Variants in TRPM3 observed in about 807,000 individuals in gnomAD.
TRPM3 encodes transient receptor potential cation channel subfamily M member 3.
TRPM3 carries 77 observed loss-of-function variants against 181.2 expected under a neutral mutation model. The observed-to-expected ratio is 0.42, with a 90% CI of 0.35 to 0.51. The LOEUF is 0.51. Among genes scored for constraint, TRPM3 ranks in the 20% least tolerant of loss-of-function variants. The pLI is 0.01. For missense variants in TRPM3, 1,759 were observed against 2,196.7 expected (o/e 0.80, Z 3.98); for synonymous variants, 745 against 796.4 (o/e 0.94, Z 1.09).
At chr9:71,275,779 AATG>A (rs772859843) in intron 1 of TRPM3, among the ~76,000 whole-genome samples, 20 of 152,198 alleles carry the variant, frequency 1.3e-4, no homozygotes, top group Non-Finnish European at 2.4e-4. Flanking sequence ...CCCAAAATAG[AATG>A]ATGAGTGCAT....
At chr9:71,182,021 AC>A (rs1157670474) in intron 1 of TRPM3, among the ~76,000 whole-genome samples, 1 of 151,744 alleles carries the variant, frequency 6.6e-6, no homozygotes, top group Non-Finnish European at 1.5e-5. Context: ...AATAATGGAA[AC>A]CCCGGCCTCT....
At chr9:71,418,826 T>TATATAG (rs138198194) in intron 1 of TRPM3, among the ~76,000 whole-genome samples, 1 of 143,078 alleles carries the variant, frequency 7.0e-6, no homozygotes, top group South Asian at 2.2e-4. Context: ...TATATATATA[T>TATATAG]ATCCTTTGAG....
At chr9:71,439,436 T>C (rs958139303) in intron 1 of TRPM3, among the ~76,000 whole-genome samples, 1 of 152,206 alleles carries the variant, frequency 6.6e-6, no homozygotes, top group African/African-American at 2.4e-5. Flanking sequence ...TAAGTCATCC[T>C]GGGGGGCAGG....
At chr9:71,149,751 A>G (rs2075626814) in intron 1 of TRPM3, among the ~76,000 whole-genome samples, 1 of 152,116 alleles carries the variant, frequency 6.6e-6, no homozygotes, top group African/African-American at 2.4e-5. Context: ...AGGCGGATGG[A>G]TCACTGGAGC....
intron 7 of TRPM3, among the ~76,000 whole-genome samples, chr9:70,765,603 AC>A (rs1343703780): frequency 2.9e-5 from 4 of 137,938 alleles, no homozygotes; most frequent in Admixed American, 2.9e-4. Context: ...AAAAACAAAA[AC>A]AAAAAACAAA....
intron 1 of TRPM3, among the ~76,000 whole-genome samples, chr9:71,350,436 T>C (rs56197730): frequency 0.021 from 3,138 of 152,272 alleles, 99 homozygotes; most frequent in African/African-American, 0.072. Flanking sequence ...AAAAAATCTC[T>C]AGTTGTCGTC....
intron 12 of TRPM3, among the ~76,000 whole-genome samples, chr9:70,626,188 T>G (rs2064559446): frequency 6.6e-6 from 1 of 152,212 alleles, no homozygotes; most frequent in African/African-American, 2.4e-5. Flanking sequence ...GCTTTCTACT[T>G]CTAAAGTTTA....
chr9:71,328,446 G>A (rs2089873652), intron 1 of TRPM3, among the ~76,000 whole-genome samples: 1 of 152,280 alleles, frequency 6.6e-6, no homozygotes, highest in East Asian at 1.9e-4. Flanking sequence ...GATTACAGGC[G>A]TGAGCCACCG....
chr9:70,917,990 G>A (rs1381260769), intron 1 of TRPM3, among the ~76,000 whole-genome samples: 2 of 152,110 alleles, frequency 1.3e-5, no homozygotes, highest in African/African-American at 4.8e-5. Context: ...AAGAGAGCAG[G>A]AGTAGGTATA....
chr9:70,546,313 C>T lies in TRPM3; in HGVS notation c.3707+3229G>A, dbSNP rs536808659. 6.6e-5 allele frequency among the ~76,000 whole-genome samples: 10 copies of T among 152,220 alleles called. No homozygotes were observed. In the South Asian group the frequency reaches 1.9e-3, roughly 28 times the overall value. On this transcript the variant is annotated intron_variant, in intron 25 of 25. Coordinates refer to ENST00000677713, the MANE Select transcript of TRPM3 (RefSeq NM_001366145.2). ...ACATTTTAGAAGTGCAATTTTCAGG[C>T]CTTACTGCAGATCTAGTGACAGAAA...
Position 70,863,086 on chromosome 9 carries a change from T to C in TRPM3, c.284A>G (p.Gln95Arg). The change falls in exon 3 of 26, where the codon CAG becomes CGG. Residue 95 changes from glutamine (Q) to arginine (R), a missense_variant. This residue lies in a region of TRPM3 where 737 missense variants were observed against 957.4 expected (regional missense o/e 0.77). Transcript: ENST00000677713. ...HRCCCGRLIGQHVGLTPSISV... is the reference protein window; with the variant it reads ...HRCCCGRLIGRHVGLTPSISV... The stretch of plus-strand genomic sequence containing the variant: ...GATACTGGGGGTGAGGCCAACATGC[T>C]GGCCTATCAGACGCCCACAGCAACA... 6.2e-7 allele frequency: 1 copy of C among 1,613,456 alleles called. No individual in the cohort carries two copies. The highest frequency in any genetic ancestry group is 8.5e-7 in the Non-Finnish European group (1 of 1,179,586).
At chr9:71,246,509 T>G (rs1191738952) in intron 1 of TRPM3, among the ~76,000 whole-genome samples, 1 of 152,198 alleles carries the variant, frequency 6.6e-6, no homozygotes, top group Admixed American at 6.5e-5. Context: ...GTTCTGGCCA[T>G]AATATAAAAT....
chr9:70,656,254 C>A (rs9886698), intron 9 of TRPM3, among the ~76,000 whole-genome samples: 57,714 of 151,988 alleles, frequency 0.38, 11,396 homozygotes, highest in African/African-American at 0.47. Flanking sequence ...AAACTATAAA[C>A]CCAGCCCAAG....
At chr9:71,422,851 C>T (rs1404038327) in intron 1 of TRPM3, among the ~76,000 whole-genome samples, 2 of 151,938 alleles carry the variant, frequency 1.3e-5, no homozygotes, top group African/African-American at 4.8e-5. Flanking sequence ...TACCTTTCTG[C>T]TCAGTGGAGA....
chr9:70,811,446 T>C lies in TRPM3; in HGVS notation c.973+16401A>G, dbSNP rs533745465. ...ATCACTCCTTCAACTGGACAGGTCC[T>C]TAAAAATCATAGCTCTTTGCTGGAG... On this transcript the variant is annotated intron_variant, in intron 6 of 25. Transcript: ENST00000677713. Among the ~76,000 whole-genome samples, 400 of 152,326 alleles carry C rather than the reference T, an allele frequency of 2.6e-3. 2 individuals are homozygous for C. The Middle Eastern group carries it at 0.027, about 10-fold the overall frequency.
intron 1 of TRPM3, among the ~76,000 whole-genome samples, chr9:70,923,469 A>G (rs1341039196): frequency 2.0e-5 from 3 of 152,134 alleles, no homozygotes; most frequent in African/African-American, 7.2e-5. Context: ...TAACAAATGA[A>G]TTTATGTTAA....
intron 1 of TRPM3, among the ~76,000 whole-genome samples, chr9:71,442,460 G>A (rs1485562897): frequency 6.6e-6 from 1 of 152,032 alleles, no homozygotes; most frequent in Non-Finnish European, 1.5e-5. Flanking sequence ...TACATGCTAA[G>A]TGCAAGGGAA....
At chr9:70,975,597 C>T (rs1388746845) in intron 1 of TRPM3, among the ~76,000 whole-genome samples, 4 of 152,164 alleles carry the variant, frequency 2.6e-5, no homozygotes, top group African/African-American at 4.8e-5. Context: ...CCTTGGGAAC[C>T]TCTCAGGGAA....
At chr9:71,120,411 TAC>T (rs1193619863) in intron 1 of TRPM3, among the ~76,000 whole-genome samples, 1 of 152,210 alleles carries the variant, frequency 6.6e-6, no homozygotes, top group Non-Finnish European at 1.5e-5. Context: ...GGTGGATTAG[TAC>T]AGAGTTGTAT....
Sources: allele counts gnomAD v4.1 joint callset (sites outside exome capture counted in the v4.1 genomes callset), GRCh38; gene constraint gnomAD v4.1.1; regional missense constraint gnomAD v4.1.1; transcripts MANE v1.5; gene names NCBI Gene and HGNC (gene_info 2026-07-23, HGNC 2026-07-21).